Variants in ATP2B2 observed in about 807,000 individuals in gnomAD.
ATP2B2 encodes plasma membrane calcium-transporting ATPase 2.
In ATP2B2, 15 loss-of-function variants were observed where a neutral mutation model predicts 120.0. That is an observed-to-expected ratio of 0.12 (90% CI 0.08 to 0.19). ATP2B2 has a LOEUF of 0.19. Among genes scored for constraint, ATP2B2 ranks in the 10% least tolerant of loss-of-function variants. ATP2B2 has a pLI of 1.00. For synonymous variants in ATP2B2, 694 were observed against 700.3 expected (o/e 0.99, Z 0.14); for missense variants, 1,045 against 1,719.8 (o/e 0.61, Z 6.94).
intron 2 of ATP2B2, among the ~76,000 whole-genome samples, chr3:10,544,253 C>A (rs955830063): frequency 6.6e-6 from 1 of 152,106 alleles, no homozygotes; most frequent in Non-Finnish European, 1.5e-5. Context: ...TCATTACCAT[C>A]GGTGCAAAAC....
chr3:10,669,194 C>T (rs2071028042), intron 1 of ATP2B2, among the ~76,000 whole-genome samples: 1 of 152,154 alleles, frequency 6.6e-6, no homozygotes, highest in Non-Finnish European at 1.5e-5. Context: ...CCAAAGAGGA[C>T]TTGTTGGGAC....
At chr3:10,376,020 A>G (rs140377516) in intron 10 of ATP2B2, among the ~76,000 whole-genome samples, 1,925 of 152,326 alleles carry the variant, frequency 0.013, 19 homozygotes, top group Non-Finnish European at 0.019. Context: ...TTGAGCTTTC[A>G]CACAATAATG....
intron 7 of ATP2B2, among the ~76,000 whole-genome samples, chr3:10,385,540 G>A (rs1387805938): frequency 6.6e-6 from 1 of 152,166 alleles, no homozygotes; most frequent in Non-Finnish European, 1.5e-5. Context: ...AGACATGGAG[G>A]GTCTTTCAAA....
At chr3:10,559,151 G>C (rs1050490857) in intron 2 of ATP2B2, among the ~76,000 whole-genome samples, 1 of 152,200 alleles carries the variant, frequency 6.6e-6, no homozygotes, top group Non-Finnish European at 1.5e-5. Context: ...CTGCTGATGG[G>C]TGTGATGCTT....
rs1306428388 is a variant in ATP2B2, at chr3:10,680,332, C to A, written c.-460+27583G>T. Among the ~76,000 whole-genome samples the A allele has an allele frequency of 2.0e-5, 3 of 151,778 alleles. No individual in the cohort carries two copies. The East Asian group carries it at 5.8e-4, about 29-fold the overall frequency. On this transcript the variant is annotated intron_variant, in intron 1 of 21. Transcript: ENST00000646379. ...GTGGTTTCTGAGGGTTCTGGAGGCC[C>A]AGGTGAGTGGTAGGTTGGCCTATGG...
At chr3:10,488,527 C>G (rs111372807) in intron 1 of ATP2B2, among the ~76,000 whole-genome samples, 1 of 139,232 alleles carries the variant, frequency 7.2e-6, no homozygotes, top group Non-Finnish European at 1.6e-5. Context: ...TCCTTCCTTC[C>G]TTCTTTCCTT....
rs376027431 is a variant in ATP2B2 at position 10,410,694 on chromosome 3, C to A, written c.321G>T (p.Thr107=). Reference sequence around the variant, plus strand: ...TGGCGGCAATCTCCAGGATGATGAGCGTCACGTCCTGCAGCGCCTCCCACA... The same window carrying A: ...TGGCGGCAATCTCCAGGATGATGAGAGTCACGTCCTGCAGCGCCTCCCACA... The part of the protein sequence containing the change: ...QLVWEALQDV[T]LIILEIAAII... The change falls in exon 3 of 23, where the codon ACG becomes ACT. Residue 107 remains threonine (T), a synonymous_variant. Transcript: ENST00000360273. 1.2e-6 allele frequency: 2 copies of A among 1,614,042 alleles called. No individual in the cohort carries two copies. Among genetic ancestry groups the A allele is most frequent in the Non-Finnish European group, 1.7e-6 (2 of 1,180,014 alleles).
At chr3:10,500,253 C>G (rs1436697234) in intron 1 of ATP2B2, among the ~76,000 whole-genome samples, 1 of 151,994 alleles carries the variant, frequency 6.6e-6, no homozygotes, top group African/African-American at 2.4e-5. Flanking sequence ...TGGGCACATT[C>G]TTAATGTCTC....
intron 1 of ATP2B2, among the ~76,000 whole-genome samples, chr3:10,679,731 T>C (rs1046349674): frequency 1.3e-5 from 2 of 152,204 alleles, no homozygotes; most frequent in African/African-American, 4.8e-5. Context: ...AGCAGATTCA[T>C]GTGAATATGC....
chr3:10,381,779 G>A (rs2061536780), intron 8 of ATP2B2, among the ~76,000 whole-genome samples: 1 of 152,166 alleles, frequency 6.6e-6, no homozygotes, highest in Non-Finnish European at 1.5e-5. Flanking sequence ...CTCTGTATCT[G>A]GAGTCAGATG....
chr3:10,608,428 C>T (rs896111141), intron 2 of ATP2B2, among the ~76,000 whole-genome samples: 1 of 152,130 alleles, frequency 6.6e-6, no homozygotes, highest in African/African-American at 2.4e-5. Flanking sequence ...TACCTCTTAA[C>T]AAAAAAATTA....
intron 1 of ATP2B2, among the ~76,000 whole-genome samples, chr3:10,676,526 AC>A (rs2071248649): frequency 1.3e-5 from 2 of 150,098 alleles, no homozygotes; most frequent in African/African-American, 4.9e-5. Flanking sequence ...GGACAGAACC[AC>A]ACACACACAC....
rs769813837 is a variant in ATP2B2, at chr3:10,385,331, CA to C, written c.941-5del. Reference sequence around the variant, plus strand: ...GAAGCTGCCGCACCGTCTGCTGCTGCAGGGGGGTGGGAGGGATGGAAAATGC... The same window carrying C: ...GAAGCTGCCGCACCGTCTGCTGCTGCGGGGGGTGGGAGGGATGGAAAATGC... On this transcript the variant is annotated splice_polypyrimidine_tract_variant and splice_region_variant and intron_variant, in intron 7 of 22. Coordinates refer to ENST00000360273, the MANE Select transcript of ATP2B2 (RefSeq NM_001001331.4). 1 of 1,613,450 alleles carries C rather than the reference CA, an allele frequency of 6.2e-7. No homozygotes were observed. The highest frequency in any genetic ancestry group is 1.3e-5 in the African/African-American group (1 of 74,844).
chr3:10,704,023 G>A lies in ATP2B2; in HGVS notation c.-460+3892C>T, dbSNP rs543696197. Among the ~76,000 whole-genome samples, 3 of 152,256 alleles carry A rather than the reference G, an allele frequency of 2.0e-5. No homozygotes were observed. In the East Asian group the frequency reaches 5.8e-4, roughly 30 times the overall value. The stretch of plus-strand genomic sequence containing the variant: ...TGCCTCACCCATCCCTCCCTGTGGA[G>A]GCCACAGTAAAGGCTCTTACCCCAT... On this transcript the variant is annotated intron_variant, in intron 1 of 21. Transcript: ENST00000646379.
chr3:10,522,758 G>C (rs899272365), intron 3 of ATP2B2, among the ~76,000 whole-genome samples: 1 of 152,184 alleles, frequency 6.6e-6, no homozygotes, highest in African/African-American at 2.4e-5. Context: ...CAGGTGTCCT[G>C]AACCTCCTTT....
At chr3:10,694,080 CA>C (rs1158672601) in intron 1 of ATP2B2, among the ~76,000 whole-genome samples, 1 of 152,200 alleles carries the variant, frequency 6.6e-6, no homozygotes, top group Admixed American at 6.5e-5. Context: ...TTAACATTTG[CA>C]TAAATAAAGT....
chr3:10,521,925 G>A lies in ATP2B2; in HGVS notation c.-320+12114C>T, dbSNP rs894022324. ...ACAGAAGAGGAGACTGAGAGTCAGC[G>A]AGGGGAGGTAACTTATCCAAGACTA... On this transcript the variant is annotated intron_variant, in intron 3 of 21. Transcript: ENST00000646379. Among the ~76,000 whole-genome samples the A allele has an allele frequency of 2.0e-5, 3 of 152,212 alleles. No homozygotes were observed. In the South Asian group the frequency reaches 6.2e-4, roughly 31 times the overall value.
At chr3:10,564,411 T>TA (rs1179046912) in intron 2 of ATP2B2, among the ~76,000 whole-genome samples, 1 of 152,174 alleles carries the variant, frequency 6.6e-6, no homozygotes, top group Non-Finnish European at 1.5e-5. Flanking sequence ...CACCGGTGGC[T>TA]ATTAAGCCAG....
At chr3:10,492,042 C>T (rs1301844054) in intron 1 of ATP2B2, among the ~76,000 whole-genome samples, 1 of 152,182 alleles carries the variant, frequency 6.6e-6, no homozygotes, top group African/African-American at 2.4e-5. Flanking sequence ...ATTCATTTTG[C>T]CATAGATCCT....
Sources: gnomAD v4.1 joint callset for allele counts (sites outside exome capture counted in the v4.1 genomes callset) on GRCh38, gnomAD v4.1.1 for gene constraint, MANE v1.5 for transcripts, NCBI Gene and HGNC (gene_info 2026-07-23, HGNC 2026-07-21) for gene names.